Variants in SEMA5A observed in about 807,000 individuals in gnomAD.
SEMA5A encodes semaphorin 5A, also known as semaphorin-5A.
Under a neutral mutation model 135.5 loss-of-function variants are expected in SEMA5A, and 55 were observed. The ratio of observed to expected loss-of-function variants is 0.41; its 90% CI spans 0.33 to 0.51. SEMA5A has a LOEUF of 0.51. SEMA5A is among the 20% of genes least tolerant of loss of function. The probability of loss-of-function intolerance (pLI) is 0.37; values close to 1 mark genes in which losing one functional copy is unlikely to be tolerated. For missense variants in SEMA5A, 1,290 were observed against 1,419.9 expected (o/e 0.91, Z 1.47); for synonymous variants, 580 against 546.5 (o/e 1.06, Z -0.85).
At chr5:9,523,945 T>C (rs1274299775) in intron 1 of SEMA5A, among the ~76,000 whole-genome samples, 1 of 152,204 alleles carries the variant, frequency 6.6e-6, no homozygotes, top group Admixed American at 6.5e-5. Flanking sequence ...TAAATTAAGA[T>C]GAGGTCTAAT....
At chr5:9,045,573 A>C (rs1439466135) in intron 21 of SEMA5A, among the ~76,000 whole-genome samples, 1 of 152,160 alleles carries the variant, frequency 6.6e-6, no homozygotes, top group African/African-American at 2.4e-5. Context: ...CCTTCCGGAG[A>C]TACTCAGCAC....
chr5:9,202,248 CA>C lies in SEMA5A; in HGVS notation c.647-9del. 1 of 1,609,200 alleles carries C rather than the reference CA, an allele frequency of 6.2e-7. No homozygotes were observed. The highest frequency in any genetic ancestry group is 1.7e-5 in the Admixed American group (1 of 59,758). On this transcript the variant is annotated splice_polypyrimidine_tract_variant and intron_variant, in intron 8 of 22. Transcript: ENST00000382496. ...ATGACACAAAGTTTGGCTCTGGAAA[CA>C]ATAGAAAAGAGGGAAAAAATCTCAA... is the stretch of plus-strand genomic sequence containing the variant.
At chr5:9,299,689 G>T (rs1751514295) in intron 5 of SEMA5A, among the ~76,000 whole-genome samples, 2 of 152,184 alleles carry the variant, frequency 1.3e-5, no homozygotes, top group Non-Finnish European at 2.9e-5. Flanking sequence ...CCTGTCATTT[G>T]AACAGGTTTT....
At chr5:9,428,122 CTCTATCTATCTATCTATCTATCTA>C (rs70943964) in intron 2 of SEMA5A, among the ~76,000 whole-genome samples, 5 of 135,754 alleles carry the variant, frequency 3.7e-5, no homozygotes, top group Non-Finnish European at 7.7e-5. Context: ...ATATATTCAA[CTCTATCTATCTATCTATCTATCTA>C]TCTATCTATC....
chr5:9,302,833 G>A (rs1751676574), intron 5 of SEMA5A, among the ~76,000 whole-genome samples: 1 of 152,106 alleles, frequency 6.6e-6, no homozygotes, highest in South Asian at 2.1e-4. Flanking sequence ...AAGAAAAAGA[G>A]GCCGCTTGAC....
intron 11 of SEMA5A, among the ~76,000 whole-genome samples, chr5:9,166,736 A>T (rs1442762164): frequency 6.6e-6 from 1 of 152,172 alleles, no homozygotes; most frequent in Non-Finnish European, 1.5e-5. Flanking sequence ...GTGAATAAAA[A>T]CCATATTACT....
At chr5:9,210,734 GC>G (rs574569674) in intron 8 of SEMA5A, among the ~76,000 whole-genome samples, 141 of 152,150 alleles carry the variant, frequency 9.3e-4, no homozygotes, top group Non-Finnish European at 1.9e-3. Flanking sequence ...GTCCCTCTGA[GC>G]CCCATAGTGC....
At chr5:9,500,690 G>A (rs190575161) in intron 1 of SEMA5A, among the ~76,000 whole-genome samples, 1 of 152,294 alleles carries the variant, frequency 6.6e-6, no homozygotes, top group African/African-American at 2.4e-5. Flanking sequence ...TATATCACAT[G>A]CAGTATATAG....
At chr5:9,255,109 T>C (rs1579721204) in intron 5 of SEMA5A, among the ~76,000 whole-genome samples, 1 of 152,202 alleles carries the variant, frequency 6.6e-6, no homozygotes, top group East Asian at 1.9e-4. Context: ...AAAACTATTC[T>C]ACTGTTCAGG....
chr5:9,540,033 C>T (rs1579710507), intron 1 of SEMA5A, among the ~76,000 whole-genome samples: 1 of 152,082 alleles, frequency 6.6e-6, no homozygotes, highest in Admixed American at 6.5e-5. Flanking sequence ...ATGGTTAGCC[C>T]CCAAAAGTCT....
chr5:9,131,286 G>A (rs1741397112), intron 13 of SEMA5A, among the ~76,000 whole-genome samples: 1 of 152,128 alleles, frequency 6.6e-6, no homozygotes. Flanking sequence ...TGGTGAGAGA[G>A]AGAGTGAGAG....
intron 1 of SEMA5A, among the ~76,000 whole-genome samples, chr5:9,528,288 G>A (rs984106343): frequency 3.9e-5 from 6 of 152,132 alleles, no homozygotes; most frequent in African/African-American, 9.7e-5. Flanking sequence ...GCAACCGAAG[G>A]TCCCCAAGAA....
At chr5:9,479,085 C>T (rs561333868) in intron 1 of SEMA5A, among the ~76,000 whole-genome samples, 109 of 152,272 alleles carry the variant, frequency 7.2e-4, no homozygotes, top group Admixed American at 1.8e-3. Context: ...CCTACATGTA[C>T]GACGTGCCTC....
intron 4 of SEMA5A, among the ~76,000 whole-genome samples, chr5:9,336,747 T>C (rs566812565): frequency 1.2e-4 from 19 of 152,314 alleles, no homozygotes; most frequent in Non-Finnish European, 2.5e-4. Flanking sequence ...AACTGTTCAA[T>C]GTTTATCTAG....
chr5:9,406,263 G>A (rs1756883278), intron 2 of SEMA5A, among the ~76,000 whole-genome samples: 1 of 152,216 alleles, frequency 6.6e-6, no homozygotes, highest in Non-Finnish European at 1.5e-5. Context: ...AATTTATAAT[G>A]TGTGAAATAA....
intron 5 of SEMA5A, among the ~76,000 whole-genome samples, chr5:9,298,966 T>C (rs537694534): frequency 2.0e-5 from 3 of 152,346 alleles, no homozygotes; most frequent in Non-Finnish European, 4.4e-5. Context: ...ACTTCCCTTA[T>C]GGAGCTTTTA....
At chr5:9,209,322 T>A (rs2150383788) in intron 8 of SEMA5A, among the ~76,000 whole-genome samples, 1 of 152,344 alleles carries the variant, frequency 6.6e-6, no homozygotes, top group Non-Finnish European at 1.5e-5. Context: ...CTCCTATTAG[T>A]TATATATCAT....
intron 16 of SEMA5A, among the ~76,000 whole-genome samples, chr5:9,072,636 C>T (rs989776406): frequency 1.1e-4 from 16 of 152,132 alleles, no homozygotes; most frequent in Non-Finnish European, 2.2e-4. Context: ...CCAAAAGGGG[C>T]CTTGCTTCCA....
chr5:9,267,975 G>T (rs1749771008), intron 5 of SEMA5A, among the ~76,000 whole-genome samples: 2 of 152,098 alleles, frequency 1.3e-5, no homozygotes, highest in Non-Finnish European at 2.9e-5. Context: ...GTTAGAGGAA[G>T]CTAAGTTATC....
Sources: gnomAD v4.1 joint callset for allele counts (sites outside exome capture counted in the v4.1 genomes callset) on GRCh38, gnomAD v4.1.1 for gene constraint, MANE v1.5 for transcripts, NCBI Gene and HGNC (gene_info 2026-07-23, HGNC 2026-07-21) for gene names.